Variants in CHML observed in about 807,000 individuals in gnomAD.
The protein encoded by CHML is CHM like Rab escort protein, also known as rab proteins geranylgeranyltransferase component A 2.
Under a neutral mutation model 30.4 loss-of-function variants are expected in CHML, and 20 were observed. That is an observed-to-expected ratio of 0.66 (90% CI 0.46 to 0.95). CHML has a LOEUF of 0.95. Ranked by LOEUF, CHML falls within the 40% of genes least tolerant of loss-of-function variation. CHML has a pLI of 0.00. For missense variants in CHML, 795 were observed against 768.5 expected (o/e 1.03, Z -0.41); for synonymous variants, 281 against 275.0 (o/e 1.02, Z -0.22).
chr1:241,640,054 G>T lies in CHML; in HGVS notation c.-480C>A. On this transcript the variant is annotated 5_prime_UTR_variant, in exon 1 of 2. It introduces an in-frame stop codon into an upstream open reading frame of the 5' UTR. Transcript: ENST00000366553. ...TGGGAGTGCGGAGCCGCTGGAACTT[G>T]TAGTAGAGGACGAGCACCAGCAGGT... 6.2e-7 allele frequency: 1 copy of T among 1,612,808 alleles called. No individual in the cohort carries two copies. The highest frequency in any genetic ancestry group is 8.5e-7 in the Non-Finnish European group (1 of 1,179,520).
Position 241,634,088 on chromosome 1 carries a change from G to T in CHML, c.1679C>A (p.Ser560Ter). Residue 560 changes from serine to a stop codon, truncating the protein, a stop_gained, in exon 2 of 2, where the codon TCG becomes TAG. Transcript: ENST00000366553. LOFTEE classifies it high-confidence loss of function. Reference sequence around the variant, plus strand: ...ATTATACGAGCTTCTGCTGATTCCCGAGGAATCTCTCATATTAAAATAAAG... The same window carrying T: ...ATTATACGAGCTTCTGCTGATTCCCTAGGAATCTCTCATATTAAAATAAAG... ...WALYFNMRDS[S>*]GISRSSYNGL... is the part of the protein sequence containing the mutation. The T allele has an allele frequency of 6.2e-7, 1 of 1,611,198 alleles. No homozygotes were observed.
Position 241,633,700 on chromosome 1 carries a change from C to T in CHML, c.*96G>A. ...TCTGCATAGCATTCATCATATATAACCACTTCTAATTACTCATATGGGAAA... is the reference window on the plus strand; with the variant it reads ...TCTGCATAGCATTCATCATATATAATCACTTCTAATTACTCATATGGGAAA... On this transcript the variant is annotated 3_prime_UTR_variant, in exon 2 of 2. Coordinates refer to ENST00000366553, the MANE Select transcript of CHML (RefSeq NM_001381853.1). The T allele has an allele frequency of 7.8e-7, 1 of 1,283,474 alleles. No homozygotes were observed. Among genetic ancestry groups the T allele is most frequent in the Non-Finnish European group, 1.1e-6 (1 of 913,800 alleles). The allele number at this position is 1,283,474 out of a possible 1,614,324, so 79.5% of individuals were successfully genotyped here.
rs1664735779 is a variant in CHML, at chr1:241,633,626, AG to A, written c.*169del. ...AATAATCAATAAATCACTCATTGAT[AG>A]GTTAACAAAGATATTCAATGCTGAA... is the stretch of plus-strand genomic sequence containing the variant. On this transcript the variant is annotated 3_prime_UTR_variant, in exon 2 of 2. Coordinates refer to ENST00000366553, the MANE Select transcript of CHML (RefSeq NM_001381853.1). 2.9e-6 allele frequency: 2 copies of A among 690,070 alleles called. No homozygotes were observed. Among genetic ancestry groups the A allele is most frequent in the Non-Finnish European group, 4.8e-6 (2 of 417,956 alleles). 42.7% of individuals were successfully genotyped at this position (690,070 alleles called of 1,614,324 possible). A position where few individuals can be genotyped will look rare whatever the true frequency, so the allele number is the denominator to read the frequency against.
Position 241,634,305 on chromosome 1 carries a change from C to T in CHML, c.1462G>A (p.Ala488Thr). 8.7e-6 allele frequency: 14 copies of T among 1,613,980 alleles called. No homozygotes were observed. The highest frequency in any genetic ancestry group is 1.2e-5 in the Non-Finnish European group (14 of 1,179,922). The stretch of plus-strand genomic sequence containing the variant: ...GAACATAATTCTGTGACCCGTACAG[C>T]ACAAGCTCCTGGCTCTGCTGGAGGA... ...IVPPAEPGACAVRVTELCSST... is the reference protein window; with the variant it reads ...IVPPAEPGACTVRVTELCSST... Residue 488 changes from alanine (A) to threonine (T), a missense_variant, in exon 2 of 2, where the codon GCT becomes ACT. Ala to Thr is a moderately conservative substitution (Grantham distance 58). Transcript: ENST00000366553.
In CHML at chr1:241,632,967, T is replaced by C. The variant is rs1664704042; in HGVS notation, c.*829A>G. On this transcript the variant is annotated 3_prime_UTR_variant, in exon 2 of 2. Coordinates refer to ENST00000366553, the MANE Select transcript of CHML (RefSeq NM_001381853.1). ...TCCTGGGGCACTTCATTTTTCCTTT[T>C]GGTCTAAGTTACTTATTGGAAGCTA... The C allele has an allele frequency of 6.6e-6, 1 of 152,162 alleles. No homozygotes were observed. Among genetic ancestry groups the C allele is most frequent in the South Asian group, 2.1e-4 (1 of 4,834 alleles). 9.4% of individuals were successfully genotyped at this position (152,162 alleles called of 1,614,324 possible).
In CHML at chr1:241,631,174, T is replaced by C. The variant is rs551993869; in HGVS notation, c.*2622A>G. The C allele has an allele frequency of 6.6e-6, 1 of 152,146 alleles. No individual in the cohort carries two copies. Among genetic ancestry groups the C allele is most frequent in the Non-Finnish European group, 1.5e-5 (1 of 67,974 alleles). The allele number at this position is 152,146 out of a possible 1,614,324, so 9.4% of individuals were successfully genotyped here. On this transcript the variant is annotated 3_prime_UTR_variant, in exon 2 of 2. Transcript: ENST00000366553. ...TAAATTTTTAAATGCTTTTTATTGGTATAACTTCTCATTTCCCACTTATTT... is the reference window on the plus strand; with the variant it reads ...TAAATTTTTAAATGCTTTTTATTGGCATAACTTCTCATTTCCCACTTATTT...
rs1281852133 is a variant in CHML, at chr1:241,635,645, C to CT, written c.121dup (p.Ser41LysfsTer9). ...ACTAGCCCAGTTTCCTCCATAGTAG[C>CT]TTCTTGAATCAATATGCAGAACCCT... On this transcript the variant is annotated frameshift_variant, in exon 2 of 2. Coordinates refer to ENST00000366553, the MANE Select transcript of CHML (RefSeq NM_001381853.1). LOFTEE classifies it high-confidence loss of function. 2 of 1,614,074 alleles carry CT rather than the reference C, an allele frequency of 1.2e-6. No homozygotes were observed. Among genetic ancestry groups the CT allele is most frequent in the Non-Finnish European group, 1.7e-6 (2 of 1,179,932 alleles).
chr1:241,635,858 T>A lies in CHML; in HGVS notation c.-92A>T, dbSNP rs1664877563. 2 of 1,312,452 alleles carry A rather than the reference T, an allele frequency of 1.5e-6. No individual in the cohort carries two copies. The highest frequency in any genetic ancestry group is 1.1e-6 in the Non-Finnish European group (1 of 951,354). The allele number at this position is 1,312,452 out of a possible 1,614,324, so 81.3% of individuals were successfully genotyped here. On this transcript the variant is annotated 5_prime_UTR_variant, in exon 2 of 2. Coordinates refer to ENST00000366553, the MANE Select transcript of CHML (RefSeq NM_001381853.1). ...AAAATCTGTCCTTCTGATGTTCCAG[T>A]TATCCCAGAAGCACTGAAGTTGCAG...
rs891713012 is a variant in CHML at position 241,631,073 on chromosome 1, T to C, written c.*2723A>G. On this transcript the variant is annotated 3_prime_UTR_variant, in exon 2 of 2. Coordinates refer to ENST00000366553, the MANE Select transcript of CHML (RefSeq NM_001381853.1). ...CATGGATAGACATTATTTAAACATTTGAAAAAGTTCACCAGTAAGTCCATT... is the reference window on the plus strand; with the variant it reads ...CATGGATAGACATTATTTAAACATTCGAAAAAGTTCACCAGTAAGTCCATT... 1.3e-5 allele frequency: 2 copies of C among 152,148 alleles called. No homozygotes were observed. The highest frequency in any genetic ancestry group is 4.8e-5 in the African/African-American group (2 of 41,462). The allele number at this position is 152,148 out of a possible 1,614,324, so 9.4% of individuals were successfully genotyped here.
rs1558447898 is a variant in CHML at position 241,634,992 on chromosome 1, A to G, written c.775T>C (p.Phe259Leu). ...GCAAGAATCCTAGTGACATTTTTAA[A>G]TTCTACATAACGACTAACATCTGAT... ...IKSDVSRYVE[F>L]KNVTRILAFR... Residue 259 changes from phenylalanine (F) to leucine (L), a missense_variant, in exon 2 of 2, where the codon TTT (phenylalanine) becomes CTT (leucine). Coordinates refer to ENST00000366553, the MANE Select transcript of CHML (RefSeq NM_001381853.1). 6.2e-7 allele frequency: 1 copy of G among 1,613,650 alleles called. No individual in the cohort carries two copies. The highest frequency in any genetic ancestry group is 8.5e-7 in the Non-Finnish European group (1 of 1,179,848).
rs1223232442 is a variant in CHML at position 241,634,546 on chromosome 1, T to C, written c.1221A>G (p.Gln407=). The change falls in exon 2 of 2, where the codon CAA becomes CAG. Residue 407 remains glutamine (Q), a synonymous_variant. Coordinates refer to ENST00000366553, the MANE Select transcript of CHML (RefSeq NM_001381853.1). ...CAGATTCTTTGTCGACTACAAAGCA[T>C]TGTACTTTATGACGAAGACAATAGA... is the stretch of plus-strand genomic sequence containing the variant. ...GGIYCLRHKV[Q]CFVVDKESGR... The C allele has an allele frequency of 3.1e-6, 5 of 1,613,856 alleles. No individual in the cohort carries two copies. The highest frequency in any genetic ancestry group is 4.2e-6 in the Non-Finnish European group (5 of 1,179,892).
chr1:241,635,183 T>C lies in CHML; in HGVS notation c.584A>G (p.Asp195Gly), dbSNP rs1664837671. 1.9e-6 allele frequency: 3 copies of C among 1,613,138 alleles called. No homozygotes were observed. Among genetic ancestry groups the C allele is most frequent in the Non-Finnish European group, 2.5e-6 (3 of 1,179,916 alleles). ...AGATTTGCTTTCATCTTTATCTCCATCTTTATCTGAAACTGTGTGCATACA... is the reference window on the plus strand; with the variant it reads ...AGATTTGCTTTCATCTTTATCTCCACCTTTATCTGAAACTGTGTGCATACA... Reference protein sequence around the residue: ...KTCMHTVSDKDGDKDESKSTV... With the variant: ...KTCMHTVSDKGGDKDESKSTV... Residue 195 changes from aspartate (D) to glycine (G), a missense_variant, in exon 2 of 2, where the codon GAT becomes GGT. Coordinates refer to ENST00000366553, the MANE Select transcript of CHML (RefSeq NM_001381853.1).
chr1:241,633,582 C>T lies in CHML; in HGVS notation c.*214G>A. On this transcript the variant is annotated 3_prime_UTR_variant, in exon 2 of 2. Coordinates refer to ENST00000366553, the MANE Select transcript of CHML (RefSeq NM_001381853.1). ...TTTTAAGATTCTGGGTCATATAGCC[C>T]ATTCTAAACAAAATGTTCAATAATC... The T allele has an allele frequency of 1.7e-6, 1 of 580,082 alleles. No individual in the cohort carries two copies. The highest frequency in any genetic ancestry group is 3.5e-5 in the Admixed American group (1 of 28,926). 35.9% of individuals were successfully genotyped at this position (580,082 alleles called of 1,614,324 possible). A position where few individuals can be genotyped will look rare whatever the true frequency, so the allele number is the denominator to read the frequency against.
In CHML at chr1:241,640,131, C is replaced by A; in HGVS notation, c.-557G>T. On this transcript the variant is annotated 5_prime_UTR_variant, in exon 1 of 2. An upstream open reading frame in the 5' UTR gains an earlier in-frame stop. Transcript: ENST00000366553. ...GAGCCCAGCAGCAGCGCCAGGCGCT[C>A]GTAGGTGCCGGGGCTGAAGAGGGGC... 6.3e-7 allele frequency: 1 copy of A among 1,591,124 alleles called. No homozygotes were observed.
Position 241,633,717 on chromosome 1 carries a change from T to A in CHML, c.*79A>T. 6.9e-7 allele frequency: 1 copy of A among 1,452,080 alleles called. No homozygotes were observed. Among genetic ancestry groups the A allele is most frequent in the Non-Finnish European group, 9.5e-7 (1 of 1,053,076 alleles). 89.9% of individuals were successfully genotyped at this position (1,452,080 alleles called of 1,614,324 possible). On this transcript the variant is annotated 3_prime_UTR_variant, in exon 2 of 2. Transcript: ENST00000366553. Reference sequence around the variant, plus strand: ...ATATATAACCACTTCTAATTACTCATATGGGAAACTGTCCTTTAAATGAGA... The same window carrying A: ...ATATATAACCACTTCTAATTACTCAAATGGGAAACTGTCCTTTAAATGAGA...
chr1:241,639,671 G>C (rs1375014089), intron 1 of CHML, among the ~76,000 whole-genome samples: 1 of 151,694 alleles, frequency 6.6e-6, no homozygotes, highest in Non-Finnish European at 1.5e-5. Context: ...TGGGGCGGGA[G>C]GGGACGGAGG....
chr1:241,638,053 C>G (rs997658158), intron 1 of CHML, among the ~76,000 whole-genome samples: 4 of 152,194 alleles, frequency 2.6e-5, no homozygotes, highest in Non-Finnish European at 5.9e-5. Context: ...TCGCTAAAAA[C>G]TTTTTAAACT....
chr1:241,640,271 G>T lies in CHML; in HGVS notation c.-697C>A, dbSNP rs1375353604. 6 of 1,181,738 alleles carry T rather than the reference G, an allele frequency of 5.1e-6. No homozygotes were observed. The East Asian group carries it at 2.3e-4, about 45-fold the overall frequency. 73.2% of individuals were successfully genotyped at this position (1,181,738 alleles called of 1,614,324 possible). ...CGAGTACATGGCCCGGCGCCGGCGC[G>T]CCTGGCGGGCGGAGGCGCTCAGCTT... On this transcript the variant is annotated 5_prime_UTR_variant, in exon 1 of 2. Transcript: ENST00000366553.
chr1:241,635,789 T>C lies in CHML; in HGVS notation c.-23A>G. On this transcript the variant is annotated 5_prime_UTR_variant, in exon 2 of 2. Coordinates refer to ENST00000366553, the MANE Select transcript of CHML (RefSeq NM_001381853.1). Reference sequence around the variant, plus strand: ...CATTTTAGGAAGTAACAGCGTCTGGTGACAACTGCTGATGAAAGAAATGAG... The same window carrying C: ...CATTTTAGGAAGTAACAGCGTCTGGCGACAACTGCTGATGAAAGAAATGAG... The C allele has an allele frequency of 6.3e-7, 1 of 1,587,372 alleles. No homozygotes were observed. The highest frequency in any genetic ancestry group is 1.8e-5 in the Admixed American group (1 of 57,120).
Sources: gnomAD v4.1 joint callset for allele counts (sites outside exome capture counted in the v4.1 genomes callset) on GRCh38, gnomAD v4.1.1 for gene constraint, MANE v1.5 for transcripts, NCBI Gene and HGNC (gene_info 2026-07-23, HGNC 2026-07-21) for gene names.